MTAP: variants seen among roughly 807,000 people sequenced by gnomAD.
The protein encoded by MTAP is methylthioadenosine phosphorylase, also known as S-methyl-5'-thioadenosine phosphorylase.
In MTAP, 33 loss-of-function variants were observed where a neutral mutation model predicts 33.6. That is an observed-to-expected ratio of 0.98 (90% confidence interval 0.74 to 1.31). The LOEUF is 1.31. MTAP is among the 40% of genes most tolerant of loss of function. The pLI, the probability that MTAP is intolerant of heterozygous loss-of-function variation, is 0.00. For missense variants in MTAP, 367 were observed against 360.0 expected (o/e 1.02, Z -0.16); for synonymous variants, 148 against 125.7 (o/e 1.18, Z -1.19).
intron 4 of MTAP, 141 bp downstream of exon 4, chr9:21,818,343 T>C (rs1175796194): frequency 2.1e-5 from 14 of 652,242 alleles, no homozygotes; most frequent in African/African-American, 6.7e-5. Context: ...TTTTTTTTTT[T>C]TGGAGACGGA....
At chr9:21,879,747 C>G (rs1326434960) in intron 1 of MTAP, among the ~76,000 whole-genome samples, 1 of 152,140 alleles carries the variant, frequency 6.6e-6, no homozygotes, top group Non-Finnish European at 1.5e-5. Flanking sequence ...ACTCCCTCAA[C>G]ATTTGCTTAT....
downstream of MTAP, among the ~76,000 whole-genome samples, chr9:21,938,631 T>A (rs925386849): frequency 1.3e-5 from 2 of 152,190 alleles, no homozygotes; most frequent in African/African-American, 4.8e-5. Flanking sequence ...TTAGTTACCT[T>A]AAAATGTTGT....
intron 5 of MTAP, among the ~76,000 whole-genome samples, chr9:21,853,549 AC>A (rs1422286652): frequency 6.6e-6 from 1 of 152,226 alleles, no homozygotes; most frequent in Admixed American, 6.5e-5. Flanking sequence ...TGTGATGAAC[AC>A]ATGTGCAGGT....
At chr9:21,878,314 A>G (rs552579734) in intron 1 of MTAP, among the ~76,000 whole-genome samples, 1 of 152,066 alleles carries the variant, frequency 6.6e-6, no homozygotes, top group Admixed American at 6.6e-5. Flanking sequence ...ATTTCTGGAT[A>G]TGTTGATGGT....
At chr9:21,924,713 T>C (rs970652037) in intron 1 of MTAP, among the ~76,000 whole-genome samples, 1 of 151,994 alleles carries the variant, frequency 6.6e-6, no homozygotes, top group Non-Finnish European at 1.5e-5. Context: ...CCAAGTCTCC[T>C]GGCCCTGGAG....
At chr9:21,809,124 T>G (rs1279063532) in intron 1 of MTAP, 1 of 152,314 alleles carries the variant, frequency 6.6e-6, no homozygotes. Context: ...CTCCCTCTGC[T>G]TCTATCATTA....
At chr9:21,810,439 A>G (rs1421602836) in intron 1 of MTAP, among the ~76,000 whole-genome samples, 2 of 144,232 alleles carry the variant, frequency 1.4e-5, no homozygotes, top group East Asian at 4.1e-4. Context: ...AAAAGAGACA[A>G]ACTTTGCTTC....
chr9:21,911,655 T>A (rs1478081653), intron 1 of MTAP, among the ~76,000 whole-genome samples: 1 of 152,000 alleles, frequency 6.6e-6, no homozygotes, highest in Admixed American at 6.6e-5. Flanking sequence ...TTTATAGCGC[T>A]GAATGCCCAC....
chr9:21,851,449 A>G (rs1825510234), intron 5 of MTAP, among the ~76,000 whole-genome samples: 1 of 152,222 alleles, frequency 6.6e-6, no homozygotes. Flanking sequence ...CTTCACATCA[A>G]CATTTAAGTA....
At chr9:21,821,945 A>C (rs570231727) in intron 4 of MTAP, among the ~76,000 whole-genome samples, 3 of 152,324 alleles carry the variant, frequency 2.0e-5, no homozygotes, top group Middle Eastern at 3.4e-3. Context: ...CTCTGATGGT[A>C]GTTTGTATTT....
chr9:21,877,881 T>G (rs896009690), intron 1 of MTAP, among the ~76,000 whole-genome samples: 1 of 152,156 alleles, frequency 6.6e-6, no homozygotes, highest in Non-Finnish European at 1.5e-5. Context: ...ATAGAATGAG[T>G]TGGGGAGGAG....
At chr9:21,835,365 C>T (rs1054804788) in intron 4 of MTAP, among the ~76,000 whole-genome samples, 1 of 152,106 alleles carries the variant, frequency 6.6e-6, no homozygotes, top group African/African-American at 2.4e-5. Flanking sequence ...GTAATTTGCC[C>T]AAGACCACAC....
intron 1 of MTAP, among the ~76,000 whole-genome samples, chr9:21,928,695 G>A (rs1418974358): frequency 1.3e-5 from 2 of 151,990 alleles, no homozygotes; most frequent in African/African-American, 2.4e-5. Flanking sequence ...GCAATCTTCA[G>A]GAAAAGTGGA....
At chr9:21,853,776 C>T (rs900100429) in intron 5 of MTAP, among the ~76,000 whole-genome samples, 4 of 152,036 alleles carry the variant, frequency 2.6e-5, no homozygotes, top group African/African-American at 4.8e-5. Context: ...TTGAATTATG[C>T]GATATCATTA....
intron 4 of MTAP, 91 bp downstream of exon 4, chr9:21,818,293 A>C: frequency 2.2e-6 from 1 of 449,514 alleles, no homozygotes; most frequent in Non-Finnish European, 4.0e-6. Flanking sequence ...GGCAACTGGG[A>C]GGGCAGTGCC....
chr9:21,856,471 A>G (rs4977734), intron 6 of MTAP, among the ~76,000 whole-genome samples: 4 of 152,004 alleles, frequency 2.6e-5, no homozygotes, highest in African/African-American at 9.7e-5. Context: ...TTGGTAACCT[A>G]AGGAACAACT....
intron 6 of MTAP, chr9:21,859,030 A>T: frequency 4.0e-6 from 1 of 250,630 alleles, no homozygotes; most frequent in Non-Finnish European, 7.5e-6. Context: ...TTCTCACTGG[A>T]ACCTCACACG....
intron 1 of MTAP, among the ~76,000 whole-genome samples, chr9:21,927,564 C>T (rs1173946775): frequency 1.3e-5 from 2 of 152,142 alleles, no homozygotes; most frequent in Non-Finnish European, 2.9e-5. Context: ...TTTATGCCAG[C>T]CAGGAAGACT....
chr9:21,882,775 C>G (rs1230552806), intron 1 of MTAP, among the ~76,000 whole-genome samples: 1 of 151,900 alleles, frequency 6.6e-6, no homozygotes, highest in African/African-American at 2.4e-5. Flanking sequence ...GGGTTTTTAT[C>G]TAATCACAAC....
Sources: gnomAD v4.1 joint callset for allele counts (sites outside exome capture counted in the v4.1 genomes callset) on GRCh38, gnomAD v4.1.1 for gene constraint, MANE v1.5 for transcripts, NCBI Gene and HGNC (gene_info 2026-07-23, HGNC 2026-07-21) for gene names.